SEMA5A: variants seen among roughly 807,000 people sequenced by gnomAD.
The protein encoded by SEMA5A is semaphorin-5A.
A neutral mutation model predicts 135.5 loss-of-function variants in SEMA5A; 55 were observed. That is an observed-to-expected ratio of 0.41 (90% CI 0.33 to 0.51). SEMA5A has a LOEUF of 0.51. Ranked by LOEUF, SEMA5A falls within the 20% of genes least tolerant of loss-of-function variation. The pLI is 0.37. For missense variants in SEMA5A, 1,290 were observed against 1,419.9 expected (o/e 0.91, Z 1.47); for synonymous variants, 580 against 546.5 (o/e 1.06, Z -0.85).
chr5:9,428,981 G>A (rs1427171400), intron 2 of SEMA5A, among the ~76,000 whole-genome samples: 1 of 152,156 alleles, frequency 6.6e-6, no homozygotes, highest in Non-Finnish European at 1.5e-5. Context: ...TGAAAAGGAA[G>A]GACTATATGT....
At chr5:9,509,074 G>C (rs1392841127) in intron 1 of SEMA5A, among the ~76,000 whole-genome samples, 1 of 151,976 alleles carries the variant, frequency 6.6e-6, no homozygotes, top group Non-Finnish European at 1.5e-5. Flanking sequence ...CAGAGGGTAT[G>C]GGTGGGTACA....
chr5:9,162,943 C>T (rs967417488), intron 11 of SEMA5A, among the ~76,000 whole-genome samples: 1 of 151,970 alleles, frequency 6.6e-6, no homozygotes, highest in African/African-American at 2.4e-5. Context: ...ATTTTTGTTT[C>T]AAAAGTATAA....
chr5:9,362,676 G>A (rs932146123), intron 3 of SEMA5A, among the ~76,000 whole-genome samples: 9 of 152,046 alleles, frequency 5.9e-5, no homozygotes, highest in East Asian at 3.9e-4. Context: ...ATGAAAACCC[G>A]AGTGAACACA....
chr5:9,232,533 A>G (rs1009022875), intron 6 of SEMA5A, among the ~76,000 whole-genome samples: 5 of 152,228 alleles, frequency 3.3e-5, no homozygotes, highest in African/African-American at 4.8e-5. Context: ...TTGTATCTAT[A>G]TAATTGTATA....
At position 9,109,027 on chromosome 5, in the gene SEMA5A, AATT is replaced by A. The variant is rs1740083370; in HGVS notation, c.1926-743_1926-741del. 7.6e-5 allele frequency among the ~76,000 whole-genome samples: 9 copies of A among 118,956 alleles called. 1 individual carries two copies. The East Asian group carries it at 7.9e-4, about 10-fold the overall frequency. 78.0% of individuals were successfully genotyped at this position (118,956 alleles called of 152,430 possible). ...ATCATGAGTCATATTATTTCTCTTC[AATT>A]TTTTTTTTTTTTTTTTTTTTTTTTT... On this transcript the variant is annotated intron_variant, in intron 15 of 22. Coordinates refer to ENST00000382496, the MANE Select transcript of SEMA5A (RefSeq NM_003966.3).
At chr5:9,091,581 A>C (rs541448715) in intron 16 of SEMA5A, among the ~76,000 whole-genome samples, 2 of 152,258 alleles carry the variant, frequency 1.3e-5, no homozygotes, top group South Asian at 4.2e-4. Flanking sequence ...AATGGGTCGG[A>C]ATTATTTCTA....
intron 16 of SEMA5A, among the ~76,000 whole-genome samples, chr5:9,076,868 T>TTGTGTG (rs70943938): frequency 0.015 from 2,129 of 144,066 alleles, 27 homozygotes; most frequent in South Asian, 0.03. Context: ...ATTACGATCT[T>TTGTGTG]TGTGTGTGTG....
Position 9,224,792 on chromosome 5 carries a change from A to G in SEMA5A, c.528T>C (p.Gly176=). The G allele has an allele frequency of 6.2e-7, 1 of 1,614,132 alleles. No homozygotes were observed. The highest frequency in any genetic ancestry group is 1.3e-5 in the African/African-American group (1 of 75,058). Residue 176 remains glycine (G), a synonymous_variant, in exon 8 of 23, where the codon GGT becomes GGC. Coordinates refer to ENST00000382496, the MANE Select transcript of SEMA5A (RefSeq NM_003966.3). ...TGGCTGTAGCAGCATAGAGCTCCCCACCAGCTGTGAGGAGCGCTGTGGAAT... is the reference window on the plus strand; with the variant it reads ...TGGCTGTAGCAGCATAGAGCTCCCCGCCAGCTGTGAGGAGCGCTGTGGAAT... ...QHNSTALLTA[G]GELYAATAMD...
In SEMA5A at chr5:9,284,469, C is replaced by T. The variant is rs16882377; in HGVS notation, c.270+33903G>A. Reference sequence around the variant, plus strand: ...TGAATGAATTATGTAGAGAAGGCAACCGTTTGGGAGTTAACAATGAGCCAG... The same window carrying T: ...TGAATGAATTATGTAGAGAAGGCAATCGTTTGGGAGTTAACAATGAGCCAG... On this transcript the variant is annotated intron_variant, in intron 5 of 22. Coordinates refer to ENST00000382496, the MANE Select transcript of SEMA5A (RefSeq NM_003966.3). Among the ~76,000 whole-genome samples the T allele has an allele frequency of 3.3e-3, 508 of 152,262 alleles. 3 individuals are homozygous for T. The highest frequency in any genetic ancestry group is 0.012 in the African/African-American group (498 of 41,558).
chr5:9,281,762 C>T (rs181041003), intron 5 of SEMA5A, among the ~76,000 whole-genome samples: 88 of 151,156 alleles, frequency 5.8e-4, no homozygotes, highest in African/African-American at 1.9e-3. Context: ...GGGGAGAAGA[C>T]GGCATGCTGT....
At chr5:9,094,389 C>A (rs1184292323) in intron 16 of SEMA5A, among the ~76,000 whole-genome samples, 1 of 152,178 alleles carries the variant, frequency 6.6e-6, no homozygotes, top group Non-Finnish European at 1.5e-5. Context: ...ATGTAACAGG[C>A]AGAGTTTCTT....
chr5:9,046,759 C>T (rs1314024946), intron 21 of SEMA5A, among the ~76,000 whole-genome samples: 1 of 152,194 alleles, frequency 6.6e-6, no homozygotes, highest in Non-Finnish European at 1.5e-5. Flanking sequence ...GAACCCAGGA[C>T]TTTGGAGCTG....
At chr5:9,355,081 A>C (rs768400261) in intron 3 of SEMA5A, among the ~76,000 whole-genome samples, 11 of 152,192 alleles carry the variant, frequency 7.2e-5, no homozygotes, top group Non-Finnish European at 1.5e-4. Context: ...AGGTCTGGAT[A>C]GTATTTTAGG....
chr5:9,379,593 T>G (rs984853505), intron 3 of SEMA5A, among the ~76,000 whole-genome samples: 2 of 152,204 alleles, frequency 1.3e-5, no homozygotes, highest in African/African-American at 4.8e-5. Flanking sequence ...TAATGAGATT[T>G]TTTTACCTTG....
chr5:9,148,973 G>A (rs1742486137), intron 12 of SEMA5A, among the ~76,000 whole-genome samples: 1 of 152,148 alleles, frequency 6.6e-6, no homozygotes, highest in South Asian at 2.1e-4. Context: ...GCCCTCCTCA[G>A]CCTCCCAAAG....
chr5:9,458,761 G>A (rs760913829), intron 1 of SEMA5A, among the ~76,000 whole-genome samples: 10 of 152,136 alleles, frequency 6.6e-5, no homozygotes, highest in African/African-American at 1.4e-4. Context: ...CCAGCTCCTC[G>A]GAACACGTAT....
At position 9,066,606 on chromosome 5, in the gene SEMA5A, T is replaced by C; in HGVS notation, c.2114A>G (p.Lys705Arg). Residue 705 changes from lysine (K) to arginine (R), a missense_variant, in exon 17 of 23, where the codon AAG (lysine) becomes AGG (arginine). Physicochemically the swap from Lys to Arg is conservative, Grantham distance 26. This residue lies in a region of SEMA5A where 1,029 missense variants were observed against 1,086.6 expected (regional missense o/e 0.95). Transcript: ENST00000382496. ...SCNTNPCPELKKTTPWTPWTP... is the reference protein window; with the variant it reads ...SCNTNPCPELRKTTPWTPWTP... Reference sequence around the variant, plus strand: ...CCAGGGTGTCCAGGGCGTGGTCTTCTTCAGCTCAGGACACGGGTTGGTGTT... The same window carrying C: ...CCAGGGTGTCCAGGGCGTGGTCTTCCTCAGCTCAGGACACGGGTTGGTGTT... The C allele has an allele frequency of 6.2e-7, 1 of 1,614,176 alleles. No individual in the cohort carries two copies. The highest frequency in any genetic ancestry group is 8.5e-7 in the Non-Finnish European group (1 of 1,180,036).
intron 1 of SEMA5A, among the ~76,000 whole-genome samples, chr5:9,526,387 C>T (rs1737123415): frequency 6.6e-6 from 1 of 152,148 alleles, no homozygotes; most frequent in African/African-American, 2.4e-5. Context: ...TCTTAAACCA[C>T]ATATATAAGA....
intron 16 of SEMA5A, among the ~76,000 whole-genome samples, chr5:9,088,216 A>G (rs1458871397): frequency 6.6e-6 from 1 of 151,488 alleles, no homozygotes; most frequent in Admixed American, 6.6e-5. Flanking sequence ...AGGCAGGAGA[A>G]TCCCTTGAAC....
Sources: allele counts gnomAD v4.1 joint callset (sites outside exome capture counted in the v4.1 genomes callset), GRCh38; gene constraint gnomAD v4.1.1; regional missense constraint gnomAD v4.1.1; transcripts MANE v1.5; gene names NCBI Gene and HGNC (gene_info 2026-07-23, HGNC 2026-07-21).